Variants in ZFHX3 observed in about 807,000 individuals in gnomAD.
ZFHX3 encodes the protein zinc finger homeobox protein 3.
In ZFHX3, 42 loss-of-function variants were observed where a neutral mutation model predicts 279.1. The ratio of observed to expected loss-of-function variants is 0.15; its 90% CI spans 0.12 to 0.19. ZFHX3 has a LOEUF of 0.19. ZFHX3 is among the 10% of genes least tolerant of loss of function. The probability of loss-of-function intolerance (pLI) is 1.00; values close to 1 mark genes in which losing one functional copy is unlikely to be tolerated. For missense variants in ZFHX3, 4,981 were observed against 4,754.0 expected (o/e 1.05, Z -1.40); for synonymous variants, 2,293 against 1,957.8 (o/e 1.17, Z -4.52).
chr16:73,469,148 C>T (rs868635547), intron 2 of ZFHX3, among the ~76,000 whole-genome samples: 1 of 152,164 alleles, frequency 6.6e-6, no homozygotes, highest in Non-Finnish European at 1.5e-5. Context: ...AGCCCCTCGA[C>T]CTTGATAGAT....
rs768410525 is a variant in ZFHX3 at position 73,070,938 on chromosome 16, GCACACACACA to G, written c.-532-11936_-532-11927del. Among the ~76,000 whole-genome samples the G allele has an allele frequency of 0.035, 784 of 22,520 alleles. 44 individuals carry two copies. In the East Asian group the frequency reaches 0.41, roughly 12 times the overall value. The allele number at this position is 22,520 out of a possible 152,430, so 14.8% of individuals were successfully genotyped here. A position where few individuals can be genotyped will look rare whatever the true frequency, so the allele number is the denominator to read the frequency against. ...CTTGCGCGCGCGCGCGCGCGCGCGC[GCACACACACA>G]CACACACACACACACACACACACAT... On this transcript the variant is annotated intron_variant, in intron 8 of 17. Coordinates refer to the ZFHX3 transcript ENST00000641206.
chr16:73,595,451 T>A (rs1389648749), intron 2 of ZFHX3, among the ~76,000 whole-genome samples: 3 of 152,176 alleles, frequency 2.0e-5, no homozygotes, highest in African/African-American at 7.2e-5. Context: ...TTGGCTTCCA[T>A]GACTCCTTTT....
At position 73,085,184 on chromosome 16, in the gene ZFHX3, A is replaced by G. The variant is rs556002266; in HGVS notation, c.-533+8051T>C. ...CAAAACAGCATGGTACTAGCATAGA[A>G]ACAGCCACATAGACCAATGGAACAG... On this transcript the variant is annotated intron_variant, in intron 8 of 17. Transcript: ENST00000641206. Among the ~76,000 whole-genome samples the G allele has an allele frequency of 6.6e-5, 10 of 152,384 alleles. No homozygotes were observed. In the South Asian group the frequency reaches 2.1e-3, roughly 32 times the overall value.
intron 2 of ZFHX3, among the ~76,000 whole-genome samples, chr16:73,515,726 G>A (rs992887210): frequency 6.6e-6 from 1 of 152,096 alleles, no homozygotes; most frequent in Non-Finnish European, 1.5e-5. Context: ...AGGGAATCTG[G>A]GATCATTTAA....
At chr16:73,330,610 A>C (rs1309529663) in intron 3 of ZFHX3, among the ~76,000 whole-genome samples, 3 of 152,222 alleles carry the variant, frequency 2.0e-5, no homozygotes, top group Non-Finnish European at 4.4e-5. Context: ...GGCTTGAGCA[A>C]GAAAAAGCTT....
intron 1 of ZFHX3, among the ~76,000 whole-genome samples, chr16:73,763,566 G>C (rs1276960430): frequency 6.6e-6 from 1 of 152,102 alleles, no homozygotes; most frequent in Non-Finnish European, 1.5e-5. Context: ...GGGCATCTTG[G>C]AGCATTGATG....
chr16:73,350,306 C>T (rs2016214609), intron 3 of ZFHX3, among the ~76,000 whole-genome samples: 1 of 152,276 alleles, frequency 6.6e-6, no homozygotes, highest in Admixed American at 6.5e-5. Flanking sequence ...GCCGCTCCTT[C>T]TTGCAGTCTA....
At chr16:72,857,174 G>A (rs1192630582) in intron 4 of ZFHX3, among the ~76,000 whole-genome samples, 1 of 152,202 alleles carries the variant, frequency 6.6e-6, no homozygotes, top group Non-Finnish European at 1.5e-5. Context: ...ACATTGCCTA[G>A]CACTGGACTA....
chr16:72,936,695 G>A (rs1386516828), intron 3 of ZFHX3, among the ~76,000 whole-genome samples: 1 of 152,202 alleles, frequency 6.6e-6, no homozygotes, highest in Non-Finnish European at 1.5e-5. Context: ...AGGTCAGCAT[G>A]GTGGGAGGAG....
At chr16:73,728,569 C>T (rs1038866) in intron 1 of ZFHX3, among the ~76,000 whole-genome samples, 12,483 of 152,064 alleles carry the variant, frequency 0.082, 567 homozygotes, top group African/African-American at 0.11. Context: ...GTCTCCTATA[C>T]GATAACTCTT....
chr16:72,887,090 G>GA (rs1368187371), intron 4 of ZFHX3, among the ~76,000 whole-genome samples: 1 of 152,204 alleles, frequency 6.6e-6, no homozygotes, highest in Non-Finnish European at 1.5e-5. Context: ...CTAGCAAGGA[G>GA]AAAAATTCTT....
chr16:72,793,103 AG>A lies in ZFHX3; in HGVS notation c.9427+151del. The A allele has an allele frequency of 7.1e-7, 1 of 1,402,388 alleles. No homozygotes were observed. Among genetic ancestry groups the A allele is most frequent in the South Asian group, 1.4e-5 (1 of 69,030 alleles). 86.9% of individuals were successfully genotyped at this position (1,402,388 alleles called of 1,614,324 possible). On this transcript the variant is annotated intron_variant, in intron 9 of 9. Transcript: ENST00000268489. The surrounding 1 kb of genome is among the most constrained non-coding windows in gnomAD (Gnocchi z 4.3). ...CACACCAGTACTTGGGAGACTCAAC[AG>A]GAACGAACTGAAGTCTTGTTGCTTT...
At chr16:73,654,917 G>A (rs1325729345) in intron 2 of ZFHX3, among the ~76,000 whole-genome samples, 1 of 136,116 alleles carries the variant, frequency 7.3e-6, no homozygotes, top group Non-Finnish European at 1.5e-5. Context: ...TTGGAGTGCA[G>A]TGGAGTGATC....
At chr16:73,737,463 C>A (rs2053619232) in intron 1 of ZFHX3, among the ~76,000 whole-genome samples, 1 of 152,162 alleles carries the variant, frequency 6.6e-6, no homozygotes, top group South Asian at 2.1e-4. Context: ...GACAGCATAA[C>A]CATCTCAGTT....
intron 3 of ZFHX3, among the ~76,000 whole-genome samples, chr16:73,441,072 T>A (rs921671051): frequency 2.2e-4 from 33 of 152,200 alleles, no homozygotes; most frequent in Admixed American, 5.9e-4. Context: ...TTTCCAGGTT[T>A]ATATAGGGGT....
chr16:73,847,375 T>G (rs1484208329), intron 1 of ZFHX3, among the ~76,000 whole-genome samples: 1 of 152,124 alleles, frequency 6.6e-6, no homozygotes, highest in Non-Finnish European at 1.5e-5. Context: ...AAAACCAGTG[T>G]CGAGGGGGGA....
intron 3 of ZFHX3, among the ~76,000 whole-genome samples, chr16:72,917,560 T>C (rs2039472807): frequency 6.6e-6 from 1 of 152,186 alleles, no homozygotes; most frequent in South Asian, 2.1e-4. Flanking sequence ...GGTGCAGCTA[T>C]CAAAAATCAT....
At chr16:73,708,495 T>C (rs2053326763) in intron 1 of ZFHX3, among the ~76,000 whole-genome samples, 1 of 152,208 alleles carries the variant, frequency 6.6e-6, no homozygotes, top group African/African-American at 2.4e-5. Context: ...ACTCTTCATC[T>C]ATAGCTTGGT....
intron 2 of ZFHX3, among the ~76,000 whole-genome samples, chr16:73,515,798 T>C (rs910404885): frequency 6.6e-6 from 1 of 152,204 alleles, no homozygotes; most frequent in Non-Finnish European, 1.5e-5. Flanking sequence ...CGTATCTATA[T>C]CTCACCATTT....
Sources: allele counts gnomAD v4.1 joint callset (sites outside exome capture counted in the v4.1 genomes callset), GRCh38; gene constraint gnomAD v4.1.1; non-coding constraint Gnocchi (gnomAD v3.1); transcripts MANE v1.5; gene names NCBI Gene and HGNC (gene_info 2026-07-23, HGNC 2026-07-21).